The following WDR25 variants were observed in gnomAD, a reference collection of about 807,000 sequenced individuals.
WDR25 encodes WD repeat domain 25.
A neutral mutation model predicts 47.7 loss-of-function variants in WDR25; 35 were observed. That is an observed-to-expected ratio of 0.73 (90% CI 0.56 to 0.97). The LOEUF is 0.97. Among genes scored for constraint, WDR25 ranks in the 50% least tolerant of loss-of-function variants. The pLI is 0.00. For synonymous variants in WDR25, 248 were observed against 278.9 expected (o/e 0.89, Z 1.10); for missense variants, 634 against 704.7 (o/e 0.90, Z 1.14).
In WDR25 at chr14:100,393,928, G is replaced by A. The variant is rs372423398; in HGVS notation, c.822+12182G>A. Among the ~76,000 whole-genome samples the A allele has an allele frequency of 3.3e-5, 5 of 152,302 alleles. No homozygotes were observed. The East Asian group carries it at 7.7e-4, about 24-fold the overall frequency. The stretch of plus-strand genomic sequence containing the variant: ...AGTGGAGCACAGCGCTCCACACACT[G>A]CGTATTCAAAAGAGAGTCAGGCACA... On this transcript the variant is annotated intron_variant, in intron 2 of 6. Coordinates refer to ENST00000402312, the MANE Select transcript of WDR25 (RefSeq NM_001161476.3).
Position 100,502,484 on chromosome 14 carries a change from G to C in WDR25, c.1101+18360G>C, listed in dbSNP as rs1358897328. Among the ~76,000 whole-genome samples the C allele has an allele frequency of 6.6e-6, 1 of 152,230 alleles. No individual in the cohort carries two copies. The highest frequency in any genetic ancestry group is 1.5e-5 in the Non-Finnish European group (1 of 68,036). ...CGAGTAGTCAGCTCCCTCTCCTGGAGCTGGGGGAGCTGGGGGACCCAAGAC... is the reference window on the plus strand; with the variant it reads ...CGAGTAGTCAGCTCCCTCTCCTGGACCTGGGGGAGCTGGGGGACCCAAGAC... On this transcript the variant is annotated intron_variant, in intron 4 of 6. Coordinates refer to ENST00000402312, the MANE Select transcript of WDR25 (RefSeq NM_001161476.3). The surrounding 1 kb of genome is among the most constrained non-coding windows in gnomAD (Gnocchi z 4.5).
At position 100,404,312 on chromosome 14, in the gene WDR25, C is replaced by T. The variant is rs1897468871; in HGVS notation, c.822+22566C>T. On this transcript the variant is annotated intron_variant, in intron 2 of 6. Transcript: ENST00000402312. The surrounding 1 kb of genome is among the most constrained non-coding windows in gnomAD (Gnocchi z 4.6). Reference sequence around the variant, plus strand: ...GCTCCCAAAGTCTATGTTCGTTCCACTCTCCCACGCCAGCCCGTAAGTGTA... The same window carrying T: ...GCTCCCAAAGTCTATGTTCGTTCCATTCTCCCACGCCAGCCCGTAAGTGTA... 6.6e-6 allele frequency among the ~76,000 whole-genome samples: 1 copy of T among 152,248 alleles called. No individual in the cohort carries two copies. Among genetic ancestry groups the T allele is most frequent in the South Asian group, 2.1e-4 (1 of 4,836 alleles).
At chr14:100,397,466 T>G (rs1897285011) in intron 2 of WDR25, among the ~76,000 whole-genome samples, 1 of 152,222 alleles carries the variant, frequency 6.6e-6, no homozygotes, top group African/African-American at 2.4e-5. Flanking sequence ...GTTGTGAGAC[T>G]TGGGTGCTAG....
chr14:100,444,991 C>A (rs889656644), intron 2 of WDR25, among the ~76,000 whole-genome samples: 1 of 152,144 alleles, frequency 6.6e-6, no homozygotes, highest in Admixed American at 6.5e-5. Flanking sequence ...TTTACCCAGG[C>A]CACATGGATT....
At chr14:100,518,602 T>C (rs982303194) in intron 4 of WDR25, among the ~76,000 whole-genome samples, 2 of 152,188 alleles carry the variant, frequency 1.3e-5, no homozygotes, top group African/African-American at 4.8e-5. Flanking sequence ...TTAAGAACTC[T>C]GTTGATGGCC....
chr14:100,494,985 A>T (rs559871272), intron 4 of WDR25, among the ~76,000 whole-genome samples: 1 of 152,216 alleles, frequency 6.6e-6, no homozygotes, highest in South Asian at 2.1e-4. Flanking sequence ...ACAAAAACAA[A>T]CAAACAAACA....
chr14:100,524,021 C>T (rs2140388665), intron 4 of WDR25, among the ~76,000 whole-genome samples: 1 of 152,274 alleles, frequency 6.6e-6, no homozygotes, highest in East Asian at 1.9e-4. Flanking sequence ...CACTTGCAGC[C>T]ACATTATTGG....
intron 2 of WDR25, among the ~76,000 whole-genome samples, chr14:100,461,891 G>A (rs747755839): frequency 1.1e-4 from 10 of 94,528 alleles, no homozygotes; most frequent in Admixed American, 4.6e-4. Context: ...TCTTATTTTC[G>A]TTGTATTTTT....
In WDR25 at chr14:100,523,106, G is replaced by A. The variant is rs1450834427; in HGVS notation, c.1102-2764G>A. Among the ~76,000 whole-genome samples, 2 of 152,236 alleles carry A rather than the reference G, an allele frequency of 1.3e-5. No homozygotes were observed. The highest frequency in any genetic ancestry group is 1.5e-5 in the Non-Finnish European group (1 of 68,044). On this transcript the variant is annotated intron_variant, in intron 4 of 6. Coordinates refer to ENST00000402312, the MANE Select transcript of WDR25 (RefSeq NM_001161476.3). This position sits in a 1 kb window ranked among gnomAD's most constrained non-coding sequence, Gnocchi z 4.7. ...GCATGCCAGGATGTTGCTGGGAGCC[G>A]GAGGACCCTGGATTGCTACTTTTAA...
chr14:100,456,416 A>C lies in WDR25; in HGVS notation c.823-11605A>C, dbSNP rs151033373. ...ATGAACCATGATGAGAAGAAAAATC[A>C]GTCAATAGATACAGATCCAGAAATG... On this transcript the variant is annotated intron_variant, in intron 2 of 6. Transcript: ENST00000402312. 2.2e-3 allele frequency among the ~76,000 whole-genome samples: 342 copies of C among 152,372 alleles called. 2 individuals carry two copies. Among genetic ancestry groups the C allele is most frequent in the African/African-American group, 7.9e-3 (329 of 41,590 alleles).
intron 2 of WDR25, among the ~76,000 whole-genome samples, chr14:100,423,092 C>A (rs1898072942): frequency 6.6e-6 from 1 of 152,142 alleles, no homozygotes; most frequent in African/African-American, 2.4e-5. Context: ...CTATAATTTG[C>A]CCAATTTAAA....
Position 100,499,733 on chromosome 14 carries a change from G to A in WDR25, c.1101+15609G>A, listed in dbSNP as rs1469870976. 6.6e-6 allele frequency among the ~76,000 whole-genome samples: 1 copy of A among 152,148 alleles called. No homozygotes were observed. Among genetic ancestry groups the A allele is most frequent in the Non-Finnish European group, 1.5e-5 (1 of 68,028 alleles). ...GGGAGATAGAGCAGACGGGCCACAAGAGGCCTCCTTCCTTCCAGAGCTCCT... is the reference window on the plus strand; with the variant it reads ...GGGAGATAGAGCAGACGGGCCACAAAAGGCCTCCTTCCTTCCAGAGCTCCT... On this transcript the variant is annotated intron_variant, in intron 4 of 6. Transcript: ENST00000402312. This position sits in a 1 kb window ranked among gnomAD's most constrained non-coding sequence, Gnocchi z 4.4.
intron 2 of WDR25, among the ~76,000 whole-genome samples, chr14:100,419,147 T>C (rs902609726): frequency 2.0e-5 from 3 of 147,222 alleles, no homozygotes; most frequent in Non-Finnish European, 4.4e-5. Context: ...GCTTGAACTC[T>C]GGAGGCGGAG....
chr14:100,469,763 C>T (rs900490915), intron 3 of WDR25, among the ~76,000 whole-genome samples: 9 of 152,190 alleles, frequency 5.9e-5, no homozygotes, highest in Non-Finnish European at 1.3e-4. Context: ...ATTTAGGCCC[C>T]ACTCACCCTT....
chr14:100,415,403 A>G (rs1897841109), intron 2 of WDR25, among the ~76,000 whole-genome samples: 1 of 152,208 alleles, frequency 6.6e-6, no homozygotes, highest in Non-Finnish European at 1.5e-5. Flanking sequence ...CAGTACCTGC[A>G]CAATTCTCCA....
rs571549645 is a variant in WDR25, at chr14:100,517,655, C to G, written c.1102-8215C>G. ...GGTCAGAAGTTCGAGAGCAGCCTGA[C>G]CAACATGGAGAAACCCCATCTCTAC... On this transcript the variant is annotated intron_variant, in intron 4 of 6. Transcript: ENST00000402312. Among the ~76,000 whole-genome samples the G allele has an allele frequency of 1.4e-3, 215 of 152,178 alleles. 1 individual carries two copies. The highest frequency in any genetic ancestry group is 4.9e-3 in the African/African-American group (204 of 41,526).
chr14:100,486,358 G>A (rs1900383339), intron 4 of WDR25, among the ~76,000 whole-genome samples: 1 of 152,224 alleles, frequency 6.6e-6, no homozygotes, highest in African/African-American at 2.4e-5. Context: ...TGGGGGAGAA[G>A]CAATTAGAAG....
chr14:100,481,124 AAAAAAAAAG>A, intron 3 of WDR25: 1 of 443,488 alleles, frequency 2.3e-6, no homozygotes, highest in African/African-American at 2.1e-5. Context: ...AAAAAAAAAA[AAAAAAAAAG>A]GGAAAAGGGG....
chr14:100,407,297 A>G lies in WDR25; in HGVS notation c.822+25551A>G, dbSNP rs765162468. The G allele has an allele frequency of 1.3e-5, 2 of 152,346 alleles. No homozygotes were observed. Among genetic ancestry groups the G allele is most frequent in the East Asian group, 1.9e-4 (1 of 5,186 alleles). 9.4% of individuals were successfully genotyped at this position (152,346 alleles called of 1,614,324 possible). ...GGGTAATTGTCCTCCTTTGACATTA[A>G]TAACCCCCCTGTTTACTCTCAGGCT... On this transcript the variant is annotated intron_variant, in intron 2 of 6. Coordinates refer to ENST00000402312, the MANE Select transcript of WDR25 (RefSeq NM_001161476.3). The surrounding 1 kb of genome is among the most constrained non-coding windows in gnomAD (Gnocchi z 4.1).
Sources: gnomAD v4.1 joint callset for allele counts (sites outside exome capture counted in the v4.1 genomes callset) on GRCh38, gnomAD v4.1.1 for gene constraint, Gnocchi (gnomAD v3.1) non-coding constraint, MANE v1.5 for transcripts, NCBI Gene and HGNC (gene_info 2026-07-23, HGNC 2026-07-21) for gene names.